The following ATXN8OS variants were observed in gnomAD, a reference collection of about 807,000 sequenced individuals.
ATXN8OS encodes ATXN8 opposite strand lncRNA.
chr13:70,168,816 C>A (rs1889109355), intron 4 of ATXN8OS, among the ~76,000 whole-genome samples: 1 of 152,080 alleles, frequency 6.6e-6, no homozygotes, highest in Non-Finnish European at 1.5e-5. Flanking sequence ...TAAGGTCTTC[C>A]TTCAGAAAAC....
At chr13:70,146,856 T>G (rs1888793760) in intron 3 of ATXN8OS, among the ~76,000 whole-genome samples, 2 of 152,152 alleles carry the variant, frequency 1.3e-5, no homozygotes, top group South Asian at 4.1e-4. Context: ...ATGGCACATG[T>G]ATACATATGT....
chr13:70,129,375 C>CTGTG (rs34731574), intron 2 of ATXN8OS, among the ~76,000 whole-genome samples: 33 of 149,090 alleles, frequency 2.2e-4, no homozygotes, highest in African/African-American at 6.2e-4. Flanking sequence ...TTGTATTTTT[C>CTGTG]TGTGTGTGTG....
At chr13:70,142,149 G>T (rs1334924636) in intron 3 of ATXN8OS, among the ~76,000 whole-genome samples, 1 of 152,150 alleles carries the variant, frequency 6.6e-6, no homozygotes, top group Non-Finnish European at 1.5e-5. Context: ...CTCCCAAAGT[G>T]CTGGGATTAC....
intron 4 of ATXN8OS, among the ~76,000 whole-genome samples, chr13:70,152,418 T>A: frequency 6.6e-6 from 1 of 152,140 alleles, no homozygotes; most frequent in East Asian, 1.9e-4. Context: ...AGTATACATA[T>A]ATACACATAT....
intron 4 of ATXN8OS, among the ~76,000 whole-genome samples, chr13:70,157,827 C>A (rs1268841644): frequency 6.6e-6 from 1 of 152,054 alleles, no homozygotes; most frequent in East Asian, 1.9e-4. Flanking sequence ...AGCATGGATC[C>A]TGAAAGAAAG....
At chr13:70,140,062 A>T (rs866020274) in intron 3 of ATXN8OS, among the ~76,000 whole-genome samples, 4 of 152,172 alleles carry the variant, frequency 2.6e-5, no homozygotes, top group Non-Finnish European at 5.9e-5. Flanking sequence ...CTCTTCATAA[A>T]AAATTCTCTG....
intron 3 of ATXN8OS, among the ~76,000 whole-genome samples, chr13:70,133,892 C>T (rs983444696): frequency 4.6e-5 from 7 of 152,098 alleles, no homozygotes; most frequent in African/African-American, 1.2e-4. Context: ...TACTGTGTTA[C>T]GGCAGTCCTC....
At position 70,139,435 on chromosome 13, in the gene ATXN8OS, T is replaced by A. The variant is rs1593768469; in HGVS notation, n.500-7920T>A. 4.5e-6 allele frequency: 3 copies of A among 666,210 alleles called. 1 individual carries two copies. In the East Asian group the frequency reaches 1.0e-4, roughly 23 times the overall value. 41.3% of individuals were successfully genotyped at this position (666,210 alleles called of 1,614,324 possible). On this transcript the variant is annotated intron_variant and non_coding_transcript_variant, in intron 3 of 4. Transcript: ENST00000678624. ...GCTGCTGCTGCTGCTGCTGCATTTTTTAAAAATATATTATCTTATTTTACT... is the reference window on the plus strand; with the variant it reads ...GCTGCTGCTGCTGCTGCTGCATTTTATAAAAATATATTATCTTATTTTACT...
chr13:70,136,253 T>G (rs931555441), intron 3 of ATXN8OS, among the ~76,000 whole-genome samples: 1 of 152,148 alleles, frequency 6.6e-6, no homozygotes, highest in Non-Finnish European at 1.5e-5. Flanking sequence ...ATGTACTAAT[T>G]TAGGTTGCAG....
intron 3 of ATXN8OS, among the ~76,000 whole-genome samples, chr13:70,134,579 A>G (rs1215672717): frequency 6.6e-6 from 1 of 152,200 alleles, no homozygotes; most frequent in Non-Finnish European, 1.5e-5. Context: ...AGCCGACAGG[A>G]AGAGAAATCT....
chr13:70,129,379 G>C (rs199717100), intron 2 of ATXN8OS, among the ~76,000 whole-genome samples: 1 of 72,570 alleles, frequency 1.4e-5, no homozygotes, highest in African/African-American at 4.4e-5. Flanking sequence ...ATTTTTCTGT[G>C]TGTGTGTGTG....
intron 4 of ATXN8OS, among the ~76,000 whole-genome samples, chr13:70,149,653 C>T (rs1593773142): frequency 1.3e-5 from 2 of 152,238 alleles, no homozygotes; most frequent in East Asian, 3.9e-4. Context: ...TCACTATTAT[C>T]ATGATCCATA....
chr13:70,140,496 T>C (rs1160901365), intron 3 of ATXN8OS, among the ~76,000 whole-genome samples: 1 of 144,188 alleles, frequency 6.9e-6, no homozygotes, highest in African/African-American at 2.6e-5. Context: ...CTAATTTCAC[T>C]TCCCCTAGAA....
At chr13:70,152,897 T>A (rs1268109904) in intron 4 of ATXN8OS, among the ~76,000 whole-genome samples, 1 of 151,856 alleles carries the variant, frequency 6.6e-6, no homozygotes, top group African/African-American at 2.4e-5. Flanking sequence ...ACTAAGCACA[T>A]GCAAACAAAG....
chr13:70,128,711 T>G (rs1307339587), intron 2 of ATXN8OS, among the ~76,000 whole-genome samples: 4 of 152,142 alleles, frequency 2.6e-5, no homozygotes, highest in Admixed American at 6.6e-5. Context: ...TGTTTATTTT[T>G]TTTGTATACT....
At chr13:70,169,585 G>T (rs999019300) in intron 4 of ATXN8OS, among the ~76,000 whole-genome samples, 1 of 152,002 alleles carries the variant, frequency 6.6e-6, no homozygotes, top group Non-Finnish European at 1.5e-5. Flanking sequence ...GAGCCACGGC[G>T]CCCAGCCAGA....
chr13:70,165,524 C>G (rs1267466615), intron 4 of ATXN8OS, among the ~76,000 whole-genome samples: 3 of 151,898 alleles, frequency 2.0e-5, no homozygotes, highest in Non-Finnish European at 4.4e-5. Flanking sequence ...GGACTTCCGG[C>G]AAACATGACT....
At chr13:70,136,356 A>G (rs1888614100) in intron 3 of ATXN8OS, among the ~76,000 whole-genome samples, 1 of 152,172 alleles carries the variant, frequency 6.6e-6, no homozygotes, top group Non-Finnish European at 1.5e-5. Context: ...ACAGTCTTCC[A>G]AGATCCAAAT....
chr13:70,139,158 G>A (rs923834890), intron 3 of ATXN8OS: 2 of 413,224 alleles, frequency 4.8e-6, no homozygotes, highest in African/African-American at 4.1e-5. Flanking sequence ...ATCTTGACCT[G>A]TCATTCTAGT....
Sources: gnomAD v4.1 joint callset for allele counts (sites outside exome capture counted in the v4.1 genomes callset) on GRCh38, gnomAD v4.1.1 for gene constraint, MANE v1.5 for transcripts, NCBI Gene and HGNC (gene_info 2026-07-23, HGNC 2026-07-21) for gene names.